HERC3: variants seen among roughly 807,000 people sequenced by gnomAD.
The protein encoded by HERC3 is HECT and RLD domain containing E3 ubiquitin protein ligase 3, also known as probable E3 ubiquitin-protein ligase HERC3.
A neutral mutation model predicts 129.9 loss-of-function variants in HERC3; 58 were observed. The observed-to-expected ratio is 0.45, with a 90% CI of 0.36 to 0.56. The LOEUF (loss-of-function observed/expected upper bound fraction) is 0.56. Ranked by LOEUF, HERC3 falls within the 20% of genes least tolerant of loss-of-function variation. The pLI, the probability that HERC3 is intolerant of heterozygous loss-of-function variation, is 0.00. For missense variants in HERC3, 835 were observed against 1,244.2 expected, an observed-to-expected ratio of 0.67 and a Z score of 4.95; for synonymous variants, 430 against 451.0, an observed-to-expected ratio of 0.95 and a Z score of 0.59.
At chr4:88,653,438 G>A (rs1230863555) in intron 6 of HERC3, among the ~76,000 whole-genome samples, 1 of 152,362 alleles carries the variant, frequency 6.6e-6, no homozygotes, top group East Asian at 1.9e-4. Flanking sequence ...AGAACTGGGT[G>A]TGCAAAGGTG....
Position 88,606,147 on chromosome 4 carries a change from G to A in HERC3, c.226+98G>A, listed in dbSNP as rs1417344730. The stretch of plus-strand genomic sequence containing the variant: ...ATGGAGCTTTCTCCACCAAGTGTTC[G>A]GTTTTCAGGGAGGCTCTTTTGAACG... On this transcript the variant is annotated intron_variant, in intron 3 of 25. Coordinates refer to ENST00000402738, the MANE Select transcript of HERC3 (RefSeq NM_014606.3). The A allele has an allele frequency of 2.5e-5, 23 of 908,472 alleles. 1 individual carries two copies. The highest frequency in any genetic ancestry group is 3.2e-5 in the Non-Finnish European group (19 of 601,226). 56.3% of individuals were successfully genotyped at this position (908,472 alleles called of 1,614,324 possible).
chr4:88,618,672 A>G (rs1215928914), intron 3 of HERC3, among the ~76,000 whole-genome samples: 1 of 152,202 alleles, frequency 6.6e-6, no homozygotes, highest in Non-Finnish European at 1.5e-5. Flanking sequence ...GAAGGAAGGT[A>G]CCAGTACATT....
the HERC3 span, among the ~76,000 whole-genome samples, chr4:88,539,127 C>G: frequency 6.6e-6 from 1 of 152,162 alleles, no homozygotes; most frequent in Non-Finnish European, 1.5e-5. Flanking sequence ...ATCGCCTCAC[C>G]TGGGAAGCGC....
chr4:88,690,502 A>C (rs1733965762), intron 23 of HERC3: 1 of 985,336 alleles, frequency 1.0e-6, no homozygotes. Flanking sequence ...TTAGAAGCTA[A>C]CAATGGGATA....
chr4:88,580,738 T>G, the HERC3 span, among the ~76,000 whole-genome samples: 2 of 152,162 alleles, frequency 1.3e-5, no homozygotes, highest in African/African-American at 4.8e-5. Flanking sequence ...TGATGTCACT[T>G]CAATTATAAT....
rs540410583 is a variant in HERC3, at chr4:88,660,433, A to G, written c.1146+1942A>G. Reference sequence around the variant, plus strand: ...TGGCCAGGCTGGTTTTGAACTCCTGACCTCAAGTGATCTACCCTCCTCGGC... The same window carrying G: ...TGGCCAGGCTGGTTTTGAACTCCTGGCCTCAAGTGATCTACCCTCCTCGGC... On this transcript the variant is annotated intron_variant, in intron 10 of 25. Coordinates refer to ENST00000402738, the MANE Select transcript of HERC3 (RefSeq NM_014606.3). Among the ~76,000 whole-genome samples the G allele has an allele frequency of 2.0e-5, 3 of 152,108 alleles. No homozygotes were observed. In the South Asian group the frequency reaches 6.2e-4, roughly 32 times the overall value.
intron 16 of HERC3, among the ~76,000 whole-genome samples, chr4:88,675,572 A>T (rs2149309176): frequency 6.6e-6 from 1 of 152,140 alleles, no homozygotes; most frequent in East Asian, 1.9e-4. Flanking sequence ...ACAAAAAGTG[A>T]ACCTATAACA....
intron 2 of HERC3, among the ~76,000 whole-genome samples, chr4:88,603,991 A>C (rs549395609): frequency 1.8e-4 from 28 of 152,202 alleles, no homozygotes; most frequent in Admixed American, 1.2e-3. Flanking sequence ...AAAAATCTTT[A>C]CTGAGATATA....
chr4:88,608,796 C>G (rs767810828), intron 3 of HERC3, among the ~76,000 whole-genome samples: 1 of 152,076 alleles, frequency 6.6e-6, no homozygotes, highest in Non-Finnish European at 1.5e-5. Context: ...GGTCATGGCC[C>G]AACAGTCTAC....
At chr4:88,696,185 T>C (rs1040570531) in intron 23 of HERC3, 1 of 152,626 alleles carries the variant, frequency 6.6e-6, no homozygotes, top group African/African-American at 2.4e-5. Context: ...AAACCCTTTC[T>C]ACTTCTGAGC....
chr4:88,579,232 A>AATATATATAT, the HERC3 span, among the ~76,000 whole-genome samples: 1 of 104,094 alleles, frequency 9.6e-6, no homozygotes, highest in African/African-American at 6.1e-5. Flanking sequence ...AAAAAAAAAA[A>AATATATATAT]ATATATATAT....
chr4:88,697,764 G>A (rs1553945798), intron 23 of HERC3: 1 of 1,599,190 alleles, frequency 6.3e-7, no homozygotes. Flanking sequence ...TGTTAGAGGA[G>A]AAGCCGCAGA....
the HERC3 span, among the ~76,000 whole-genome samples, chr4:88,560,841 T>C: frequency 1.3e-5 from 2 of 152,180 alleles, no homozygotes; most frequent in Admixed American, 6.5e-5. Flanking sequence ...CTGAAGAGAC[T>C]AGCCTCTCTC....
chr4:88,686,833 T>C, intron 22 of HERC3, 31 bp downstream of exon 22: 1 of 1,483,492 alleles, frequency 6.7e-7, no homozygotes, highest in Non-Finnish European at 9.4e-7. Flanking sequence ...CTTAGGATTG[T>C]GGCTGTCTCT....
In HERC3 at chr4:88,666,998, C is replaced by T. The variant is rs568802105; in HGVS notation, c.1332-379C>T. ...CAAGCCACAGCATCTACATCTAGTT[C>T]AATGAGCCACAAAAACAGAAAAAAA... On this transcript the variant is annotated intron_variant, in intron 12 of 25. Transcript: ENST00000402738. 5.3e-5 allele frequency among the ~76,000 whole-genome samples: 8 copies of T among 152,090 alleles called. No individual in the cohort carries two copies. The East Asian group carries it at 1.5e-3, about 29-fold the overall frequency.
chr4:88,645,134 A>C (rs1316239219), intron 3 of HERC3, among the ~76,000 whole-genome samples: 6 of 152,166 alleles, frequency 3.9e-5, no homozygotes, highest in Non-Finnish European at 7.4e-5. Context: ...TGCACCCCAC[A>C]GACTGGGTTG....
At position 88,678,129 on chromosome 4, in the gene HERC3, C is replaced by T; in HGVS notation, c.2191C>T (p.Leu731Phe). The T allele has an allele frequency of 6.2e-7, 1 of 1,613,452 alleles. No individual in the cohort carries two copies. The highest frequency in any genetic ancestry group is 8.5e-7 in the Non-Finnish European group (1 of 1,179,882). ...TTCTGATATTGATTTGAAAAAGCCT[C>T]TCAAAGTGAGTTCCTTCAGGATATT... ...IHSDIDLKKPLKVIFDGEEAV... is the reference protein window; with the variant it reads ...IHSDIDLKKPFKVIFDGEEAV... Residue 731 changes from leucine (L) to phenylalanine (F), a missense_variant, in exon 19 of 26, where the codon CTC becomes TTC. By Grantham distance (22) the Leu-to-Phe change is conservative. Coordinates refer to ENST00000402738, the MANE Select transcript of HERC3 (RefSeq NM_014606.3).
At chr4:88,680,902 G>A in intron 20 of HERC3, 2 of 435,518 alleles carry the variant, frequency 4.6e-6, no homozygotes, top group Non-Finnish European at 6.1e-6. Context: ...ATGGCTGAAA[G>A]TTCTGTTGGA....
chr4:88,647,853 T>C (rs1025825927), intron 3 of HERC3, among the ~76,000 whole-genome samples: 1 of 150,174 alleles, frequency 6.7e-6, no homozygotes, highest in Non-Finnish European at 1.5e-5. Context: ...CTAAATAACA[T>C]GCTTATAATA....
Sources: gnomAD v4.1 joint callset for allele counts (sites outside exome capture counted in the v4.1 genomes callset) on GRCh38, gnomAD v4.1.1 for gene constraint, MANE v1.5 for transcripts, NCBI Gene and HGNC (gene_info 2026-07-23, HGNC 2026-07-21) for gene names.